TPTE2: variants seen among roughly 807,000 people sequenced by gnomAD.
TPTE2 encodes phosphatidylinositol 3,4,5-trisphosphate 3-phosphatase TPTE2.
TPTE2 carries 53 observed loss-of-function variants against 78.6 expected under a neutral mutation model. That is an observed-to-expected ratio of 0.67 (90% CI 0.54 to 0.85). The LOEUF is 0.85. Among genes scored for constraint, TPTE2 ranks in the 40% least tolerant of loss-of-function variants. The pLI, the probability that TPTE2 is intolerant of heterozygous loss-of-function variation, is 0.00. For synonymous variants in TPTE2, 175 were observed against 206.2 expected, an observed-to-expected ratio of 0.85 and a Z score of 1.30; for missense variants, 461 against 623.0, an observed-to-expected ratio of 0.74 and a Z score of 2.77.
At chr13:19,435,443 G>A (rs562852719) in intron 15 of TPTE2, among the ~76,000 whole-genome samples, 1 of 152,276 alleles carries the variant, frequency 6.6e-6, no homozygotes, top group East Asian at 1.9e-4. Flanking sequence ...GTTGAGGGGT[G>A]TGAGTGGAGT....
At chr13:19,553,298 T>C in the TPTE2 span, among the ~76,000 whole-genome samples, 1 of 152,214 alleles carries the variant, frequency 6.6e-6, no homozygotes, top group Non-Finnish European at 1.5e-5. Flanking sequence ...AAACTTCAGA[T>C]CATCTTTTGA....
chr13:19,438,443 T>C, intron 13 of TPTE2: 14 of 985,198 alleles, frequency 1.4e-5, no homozygotes, highest in Non-Finnish European at 1.7e-5. Context: ...TTCATGTCTT[T>C]TATAATTTTT....
At chr13:19,496,942 G>T (rs1390920200) in intron 1 of TPTE2, among the ~76,000 whole-genome samples, 1 of 152,048 alleles carries the variant, frequency 6.6e-6, no homozygotes, top group Non-Finnish European at 1.5e-5. Context: ...GTGGGTGCGC[G>T]CACCGTGCGC....
chr13:19,496,786 CG>C (rs910057177), intron 1 of TPTE2, among the ~76,000 whole-genome samples: 2 of 152,132 alleles, frequency 1.3e-5, no homozygotes, highest in African/African-American at 4.8e-5. Context: ...TGCGAAATCT[CG>C]GAGGAGGAGC....
At chr13:19,555,803 C>CTTTTTTTTTTT in the TPTE2 span, among the ~76,000 whole-genome samples, 3 of 81,038 alleles carry the variant, frequency 3.7e-5, no homozygotes, top group African/African-American at 1.5e-4. Flanking sequence ...CAACAAATTT[C>CTTTTTTTTTTT]TTTTTTTTTT....
rs368076391 is a variant in TPTE2, at chr13:19,489,780, G to T, written c.119+3070C>A. Among the ~76,000 whole-genome samples, 21 of 151,138 alleles carry T rather than the reference G, an allele frequency of 1.4e-4. 1 individual carries two copies. The highest frequency in any genetic ancestry group is 1.9e-4 in the African/African-American group (8 of 41,192). On this transcript the variant is annotated intron_variant, in intron 3 of 19. Transcript: ENST00000400230. The stretch of plus-strand genomic sequence containing the variant: ...TGTGTTATATGTGTGTGTGTGTGTA[G>T]ATCCTTTAGCACTGACTCAAATTAA...
chr13:19,557,993 A>G, the TPTE2 span, among the ~76,000 whole-genome samples: 1 of 152,332 alleles, frequency 6.6e-6, no homozygotes, highest in African/African-American at 2.4e-5. Flanking sequence ...TACAGACTGT[A>G]AAATGTCAGA....
chr13:19,425,477 C>T (rs1416347371), intron 18 of TPTE2, among the ~76,000 whole-genome samples: 11 of 152,168 alleles, frequency 7.2e-5, no homozygotes, highest in Non-Finnish European at 1.6e-4. Context: ...CTCCCAGTTT[C>T]TCCATGTGAC....
chr13:19,439,159 T>G (rs1368584561), intron 13 of TPTE2, among the ~76,000 whole-genome samples: 1 of 152,140 alleles, frequency 6.6e-6, no homozygotes, highest in African/African-American at 2.4e-5. Context: ...GGAGCTCAGA[T>G]TAATGTGTAC....
chr13:19,546,545 A>G, the TPTE2 span, among the ~76,000 whole-genome samples: 1 of 120,724 alleles, frequency 8.3e-6, no homozygotes, highest in African/African-American at 3.1e-5. Flanking sequence ...GCTGGAGTGC[A>G]ATAGCACAAT....
In TPTE2 at chr13:19,430,724, T is replaced by G. The variant is rs372878676; in HGVS notation, c.1223-177A>C. Among the ~76,000 whole-genome samples the G allele has an allele frequency of 2.0e-4, 31 of 152,352 alleles. 1 individual carries two copies. Among genetic ancestry groups the G allele is most frequent in the African/African-American group, 7.5e-4 (31 of 41,586 alleles). ...TTTGAAAGACAAGGCTTCAAGCCCATTTCTGTCTCCTAAAGCAGATTTTAT... is the reference window on the plus strand; with the variant it reads ...TTTGAAAGACAAGGCTTCAAGCCCAGTTCTGTCTCCTAAAGCAGATTTTAT... On this transcript the variant is annotated intron_variant, in intron 16 of 19. Transcript: ENST00000400230.
At chr13:19,551,214 C>A in the TPTE2 span, among the ~76,000 whole-genome samples, 1 of 152,174 alleles carries the variant, frequency 6.6e-6, no homozygotes, top group Non-Finnish European at 1.5e-5. Flanking sequence ...CTGATACCTT[C>A]CAGAACACAG....
At chr13:19,493,730 G>A (rs1881149121) in intron 1 of TPTE2, 1 of 568,672 alleles carries the variant, frequency 1.8e-6, no homozygotes, top group Non-Finnish European at 3.2e-6. Context: ...CCCGATTTAA[G>A]TAAACCTCTT....
At chr13:19,509,482 A>T (rs868738355) in intron 1 of TPTE2, among the ~76,000 whole-genome samples, 1 of 152,198 alleles carries the variant, frequency 6.6e-6, no homozygotes, top group East Asian at 1.9e-4. Flanking sequence ...TTATTCAATT[A>T]TATGTTAATA....
intron 10 of TPTE2, chr13:19,458,655 C>CCA (rs1311163316): frequency 1.0e-5 from 5 of 496,104 alleles, no homozygotes; most frequent in African/African-American, 3.9e-5. Context: ...CCTCCCTTTT[C>CCA]CACGGTGTGG....
At chr13:19,505,379 G>A (rs942890861), upstream of TPTE2, among the ~76,000 whole-genome samples, 1 of 152,066 alleles carries the variant, frequency 6.6e-6, no homozygotes, top group African/African-American at 2.4e-5. Flanking sequence ...GGCCTCAAGT[G>A]ATCTAGCTGT....
At chr13:19,480,649 A>G in intron 4 of TPTE2, among the ~76,000 whole-genome samples, 1 of 152,206 alleles carries the variant, frequency 6.6e-6, no homozygotes. Context: ...CAGTCCAAAG[A>G]CAGAAAAGGA....
rs1193143292 is a variant in TPTE2, at chr13:19,430,653, A to G, written c.1223-106T>C. On this transcript the variant is annotated intron_variant, in intron 16 of 19. Coordinates refer to ENST00000400230, the Ensembl canonical transcript of TPTE2. ...AAAAAGAGAAAAAATTATCCAAGCT[A>G]ACAACGTATCAATAGTTACTTATTT... The G allele has an allele frequency of 4.1e-6, 3 of 735,314 alleles. No homozygotes were observed. The African/African-American group carries it at 5.4e-5, about 13-fold the overall frequency. The allele number at this position is 735,314 out of a possible 1,614,324, so 45.5% of individuals were successfully genotyped here. A position where few individuals can be genotyped will look rare whatever the true frequency, so the allele number is the denominator to read the frequency against.
the TPTE2 span, among the ~76,000 whole-genome samples, chr13:19,550,963 TG>T: frequency 6.6e-6 from 1 of 152,162 alleles, no homozygotes; most frequent in Non-Finnish European, 1.5e-5. Context: ...AGCCTAATAC[TG>T]GGTTTTCAAA....
Sources: gnomAD v4.1 joint callset for allele counts (sites outside exome capture counted in the v4.1 genomes callset) on GRCh38, gnomAD v4.1.1 for gene constraint, MANE v1.5 for transcripts, NCBI Gene and HGNC (gene_info 2026-07-23, HGNC 2026-07-21) for gene names.